The following NRG3 variants were observed in gnomAD, a reference collection of about 807,000 sequenced individuals.
NRG3 encodes the protein neuregulin 3, also known as pro-neuregulin-3, membrane-bound isoform.
Under a neutral mutation model 66.9 loss-of-function variants are expected in NRG3, and 31 were observed. The observed-to-expected ratio is 0.46, with a 90% CI of 0.35 to 0.63. The LOEUF (loss-of-function observed/expected upper bound fraction) is 0.63, where lower values mean the gene tolerates loss of function less well. Among genes scored for constraint, NRG3 ranks in the 20% least tolerant of loss-of-function variants. The pLI is 0.00. For synonymous variants in NRG3, 393 were observed against 359.4 expected (o/e 1.09, Z -1.06); for missense variants, 910 against 878.9 (o/e 1.04, Z -0.45).
At chr10:82,045,984 T>C (rs1188340681) in intron 1 of NRG3, among the ~76,000 whole-genome samples, 1 of 150,594 alleles carries the variant, frequency 6.6e-6, no homozygotes, top group African/African-American at 2.5e-5. Context: ...TGTAGTATAG[T>C]TTGAAGTCAG....
At position 81,875,275 on chromosome 10, in the gene NRG3, G is replaced by C. The variant is rs1403540618; in HGVS notation, c.-66G>C. ...GGAGCCCGCGCCCGCGCCCGCGCCC[G>C]GCCCGCGCGGCCCCATGCCTCTGCC... is the stretch of plus-strand genomic sequence containing the variant. On this transcript the variant is annotated 5_prime_UTR_variant, in exon 1 of 9. Transcript: ENST00000372141. The surrounding 1 kb of genome is among the most constrained non-coding windows in gnomAD (Gnocchi z 5.3). The C allele has an allele frequency of 1.0e-5, 10 of 966,806 alleles. No homozygotes were observed. In the East Asian group the frequency reaches 1.1e-3, roughly 106 times the overall value. 59.9% of individuals were successfully genotyped at this position (966,806 alleles called of 1,614,324 possible). A position where few individuals can be genotyped will look rare whatever the true frequency, so the allele number is the denominator to read the frequency against.
intron 1 of NRG3, among the ~76,000 whole-genome samples, chr10:82,034,629 T>G (rs1358848763): frequency 6.6e-6 from 1 of 152,112 alleles, no homozygotes; most frequent in Non-Finnish European, 1.5e-5. Context: ...AACTGGGGAA[T>G]GCATTCATTC....
chr10:82,028,654 A>G (rs539899655), intron 1 of NRG3, among the ~76,000 whole-genome samples: 6 of 152,188 alleles, frequency 3.9e-5, no homozygotes, highest in South Asian at 4.1e-4. Context: ...ATCAGCACAC[A>G]TCTTTACTTA....
intron 2 of NRG3, among the ~76,000 whole-genome samples, chr10:82,576,032 G>A (rs1009150206): frequency 4.6e-5 from 7 of 151,658 alleles, no homozygotes; most frequent in African/African-American, 1.7e-4. Flanking sequence ...GAGATTAGAA[G>A]TTAAGTGAAC....
At chr10:82,723,517 T>C (rs765886539) in intron 2 of NRG3, among the ~76,000 whole-genome samples, 2 of 152,200 alleles carry the variant, frequency 1.3e-5, no homozygotes, top group Non-Finnish European at 2.9e-5. Flanking sequence ...TTGAAAAATA[T>C]TTGTATCATT....
chr10:82,899,515 C>A (rs1844002369), intron 4 of NRG3, among the ~76,000 whole-genome samples: 3 of 152,146 alleles, frequency 2.0e-5, no homozygotes, highest in Non-Finnish European at 4.4e-5. Context: ...GTATTTTTTT[C>A]TCTGTGTTTT....
At chr10:82,920,774 G>T (rs1245149893) in intron 4 of NRG3, among the ~76,000 whole-genome samples, 1 of 152,086 alleles carries the variant, frequency 6.6e-6, no homozygotes, top group Non-Finnish European at 1.5e-5. Context: ...AACTGGAAGA[G>T]TTCCCAATTT....
intron 4 of NRG3, among the ~76,000 whole-genome samples, chr10:82,950,066 T>C (rs529358735): frequency 1.5e-4 from 23 of 152,238 alleles, no homozygotes; most frequent in African/African-American, 5.5e-4. Context: ...TTTTTAAAAA[T>C]GCCGACATTC....
rs545889385 is a variant in NRG3, at chr10:82,395,116, A to G, written c.953+36248A>G. On this transcript the variant is annotated intron_variant, in intron 2 of 8. Coordinates refer to ENST00000372141, the MANE Select transcript of NRG3 (RefSeq NM_001010848.4). ...AGTTTCTGTCACCACCATGAGAAGA[A>G]CGTATGCCAGATAGCTGCTGCCAAT... Among the ~76,000 whole-genome samples the G allele has an allele frequency of 4.3e-4, 65 of 152,312 alleles. 1 individual carries two copies. The South Asian group carries it at 0.013, about 31-fold the overall frequency.
chr10:82,652,914 A>G (rs1027134739), intron 2 of NRG3, among the ~76,000 whole-genome samples: 16 of 152,214 alleles, frequency 1.1e-4, no homozygotes, highest in African/African-American at 3.9e-4. Flanking sequence ...TTATGCAGCA[A>G]TAAATAACTA....
intron 1 of NRG3, among the ~76,000 whole-genome samples, chr10:82,328,990 A>T (rs1247357328): frequency 3.3e-5 from 5 of 152,202 alleles, no homozygotes; most frequent in African/African-American, 1.2e-4. Flanking sequence ...AGTTCATGCC[A>T]ACTATATATT....
intron 2 of NRG3, among the ~76,000 whole-genome samples, chr10:82,709,374 T>G (rs1454267046): frequency 1.4e-5 from 2 of 146,282 alleles, no homozygotes; most frequent in Admixed American, 1.4e-4. Flanking sequence ...TTGTTTTTGT[T>G]TTTTGTTTGT....
chr10:82,938,088 G>T (rs147235117), intron 4 of NRG3, among the ~76,000 whole-genome samples: 145 of 152,228 alleles, frequency 9.5e-4, no homozygotes, highest in African/African-American at 3.2e-3. Context: ...TAATTAAAGC[G>T]AATTTCTCCC....
At chr10:81,893,066 A>G (rs1057128313) in intron 1 of NRG3, among the ~76,000 whole-genome samples, 8 of 152,314 alleles carry the variant, frequency 5.3e-5, no homozygotes, top group Admixed American at 5.2e-4. Flanking sequence ...TGCTTTTCTT[A>G]TTATTAAACA....
intron 1 of NRG3, among the ~76,000 whole-genome samples, chr10:81,980,216 G>A (rs553212872): frequency 2.8e-4 from 42 of 149,344 alleles, no homozygotes; most frequent in Non-Finnish European, 5.6e-4. Flanking sequence ...TTTTTTTTTG[G>A]TTGATCATGA....
chr10:82,447,943 T>G (rs2090824282), intron 2 of NRG3, among the ~76,000 whole-genome samples: 1 of 152,190 alleles, frequency 6.6e-6, no homozygotes, highest in African/African-American at 2.4e-5. Flanking sequence ...CTCCTTTCAC[T>G]AGATACAGTT....
In NRG3 at chr10:82,415,567, A is replaced by C. The variant is rs558233848; in HGVS notation, c.953+56699A>C. On this transcript the variant is annotated intron_variant, in intron 2 of 8. Coordinates refer to ENST00000372141, the MANE Select transcript of NRG3 (RefSeq NM_001010848.4). Reference sequence around the variant, plus strand: ...AAATAATTTTGATTTTGATGTACAGAGTTTAATGTAAGAGTGATTGTAGGG... The same window carrying C: ...AAATAATTTTGATTTTGATGTACAGCGTTTAATGTAAGAGTGATTGTAGGG... Among the ~76,000 whole-genome samples, 27 of 152,324 alleles carry C rather than the reference A, an allele frequency of 1.8e-4. 1 individual carries two copies. The South Asian group carries it at 5.6e-3, about 32-fold the overall frequency.
Position 82,243,588 on chromosome 10 carries a change from C to T in NRG3, c.824-115151C>T, listed in dbSNP as rs145850745. 2.6e-5 allele frequency among the ~76,000 whole-genome samples: 4 copies of T among 152,088 alleles called. No homozygotes were observed. In the East Asian group the frequency reaches 7.7e-4, roughly 29 times the overall value. On this transcript the variant is annotated intron_variant, in intron 1 of 8. Transcript: ENST00000372141. ...GACTTTACACTTTCCAACAGTGATC[C>T]TAGAAATTAGAAGAAATTGCAGCAA...
At chr10:82,901,183 G>A (rs1356545785) in intron 4 of NRG3, among the ~76,000 whole-genome samples, 1 of 152,108 alleles carries the variant, frequency 6.6e-6, no homozygotes, top group Non-Finnish European at 1.5e-5. Context: ...GTTTTAATAT[G>A]TCAGGGATCA....
Sources: gnomAD v4.1 joint callset for allele counts (sites outside exome capture counted in the v4.1 genomes callset) on GRCh38, gnomAD v4.1.1 for gene constraint, Gnocchi (gnomAD v3.1) non-coding constraint, MANE v1.5 for transcripts, NCBI Gene and HGNC (gene_info 2026-07-23, HGNC 2026-07-21) for gene names.